The following BPHL variants were observed in gnomAD, a reference collection of about 807,000 sequenced individuals.
BPHL encodes the protein biphenyl hydrolase like.
A neutral mutation model predicts 31.2 loss-of-function variants in BPHL; 27 were observed. The ratio of observed to expected loss-of-function variants is 0.87; its 90% CI spans 0.64 to 1.19. BPHL has a LOEUF of 1.19. Among genes scored for constraint, BPHL ranks in the 50% most tolerant of loss-of-function variants. The pLI, the probability that BPHL is intolerant of heterozygous loss-of-function variation, is 0.00. For missense variants in BPHL, 356 were observed against 375.7 expected (o/e 0.95, Z 0.43); for synonymous variants, 150 against 146.8 (o/e 1.02, Z -0.16).
At chr6:3,138,314 A>G (rs1581476626) in intron 5 of BPHL, 1 of 181,020 alleles carries the variant, frequency 5.5e-6, no homozygotes, top group Non-Finnish European at 1.2e-5. Context: ...CACCATGCCC[A>G]GCCTCCTATT....
chr6:3,123,057 G>A (rs1215399429), intron 1 of BPHL, among the ~76,000 whole-genome samples: 7 of 152,260 alleles, frequency 4.6e-5, no homozygotes, highest in Non-Finnish European at 1.0e-4. Flanking sequence ...TGTGCCATGA[G>A]CCTCTGTGGC....
At chr6:3,147,158 G>A (rs182900628) in intron 6 of BPHL, among the ~76,000 whole-genome samples, 1 of 152,242 alleles carries the variant, frequency 6.6e-6, no homozygotes, top group East Asian at 1.9e-4. Context: ...CTACTCAGGA[G>A]GCTGAGGTAG....
chr6:3,121,305 T>C (rs1442914319), intron 1 of BPHL, among the ~76,000 whole-genome samples: 1 of 138,586 alleles, frequency 7.2e-6, no homozygotes, highest in East Asian at 2.1e-4. Context: ...TTTTTTTTTT[T>C]TTTTTTTTTT....
At chr6:3,139,999 A>G (rs981551716) in intron 5 of BPHL, 7 of 220,086 alleles carry the variant, frequency 3.2e-5, no homozygotes, top group African/African-American at 7.0e-5. Flanking sequence ...GGGCCCCTAC[A>G]CTCATCTGAA....
chr6:3,152,699 T>A lies in BPHL; in HGVS notation c.*124T>A. ...TCTACCCCTCCCTTCAATCTTATCC[T>A]AACCAAATGAGAATAATGACATATT... On this transcript the variant is annotated 3_prime_UTR_variant, in exon 7 of 7. Transcript: ENST00000380379. 1 of 805,854 alleles carries A rather than the reference T, an allele frequency of 1.2e-6. No individual in the cohort carries two copies. The highest frequency in any genetic ancestry group is 1.9e-6 in the Non-Finnish European group (1 of 514,242). 49.9% of individuals were successfully genotyped at this position (805,854 alleles called of 1,614,324 possible).
intron 6 of BPHL, among the ~76,000 whole-genome samples, chr6:3,144,928 G>C (rs886490233): frequency 2.6e-5 from 4 of 152,244 alleles, no homozygotes; most frequent in Non-Finnish European, 5.9e-5. Context: ...GACCCGGTGG[G>C]AAAGTCCATG....
chr6:3,134,996 C>G (rs1172181701), intron 4 of BPHL, among the ~76,000 whole-genome samples: 2 of 152,318 alleles, frequency 1.3e-5, no homozygotes, highest in East Asian at 3.9e-4. Context: ...CTCAACCTTC[C>G]GAAGTGCTGG....
At chr6:3,119,340 T>A in intron 1 of BPHL, 3 of 1,556,988 alleles carry the variant, frequency 1.9e-6, no homozygotes, top group Non-Finnish European at 2.6e-6. Flanking sequence ...CCGAGAGCCC[T>A]AAGTCTTCTC....
rs1316397274 is a variant in BPHL, at chr6:3,149,938, T to C, written c.789-2550T>C. The C allele has an allele frequency of 6.6e-6, 1 of 152,180 alleles. No homozygotes were observed. Among genetic ancestry groups the C allele is most frequent in the Non-Finnish European group, 1.5e-5 (1 of 68,036 alleles). 9.4% of individuals were successfully genotyped at this position (152,180 alleles called of 1,614,324 possible). A position where few individuals can be genotyped will look rare whatever the true frequency, so the allele number is the denominator to read the frequency against. On this transcript the variant is annotated intron_variant, in intron 6 of 6. Coordinates refer to ENST00000380379, the MANE Select transcript of BPHL (RefSeq NM_004332.4). This position sits in a 1 kb window ranked among gnomAD's most constrained non-coding sequence, Gnocchi z 4.6. ...GCCACCGTGCCCAGTCTAGTACCTT[T>C]TTCTTAGGTGGGGCTTTCTAGAAGA...
At position 3,152,744 on chromosome 6, in the gene BPHL, A is replaced by AG; in HGVS notation, c.*171dup. 1.7e-6 allele frequency: 1 copy of AG among 589,622 alleles called. No individual in the cohort carries two copies. Among genetic ancestry groups the AG allele is most frequent in the Non-Finnish European group, 2.9e-6 (1 of 349,734 alleles). 36.5% of individuals were successfully genotyped at this position (589,622 alleles called of 1,614,324 possible). ...CATATTGAAAACAGCCTCTAGCTTC[A>AG]GGCTGGGCACGGTGGCTCACAGCTA... is the stretch of plus-strand genomic sequence containing the variant. On this transcript the variant is annotated 3_prime_UTR_variant, in exon 7 of 7. Coordinates refer to ENST00000380379, the MANE Select transcript of BPHL (RefSeq NM_004332.4).
chr6:3,122,862 C>T (rs552132492), intron 1 of BPHL, among the ~76,000 whole-genome samples: 1 of 152,350 alleles, frequency 6.6e-6, no homozygotes, highest in East Asian at 1.9e-4. Flanking sequence ...TAAAGAACAG[C>T]CTGGAGATCG....
Position 3,153,562 on chromosome 6 carries a change from G to T in BPHL, c.*987G>T. Reference sequence around the variant, plus strand: ...TACATTGCTATTAAAATTAAACTTTGATTACCACAATAAAAACAGTAGCAA... The same window carrying T: ...TACATTGCTATTAAAATTAAACTTTTATTACCACAATAAAAACAGTAGCAA... On this transcript the variant is annotated 3_prime_UTR_variant, in exon 7 of 7. Coordinates refer to ENST00000380379, the MANE Select transcript of BPHL (RefSeq NM_004332.4). 1 of 506,588 alleles carries T rather than the reference G, an allele frequency of 2.0e-6. No homozygotes were observed. Among genetic ancestry groups the T allele is most frequent in the Non-Finnish European group, 3.5e-6 (1 of 288,212 alleles). The allele number at this position is 506,588 out of a possible 1,614,324, so 31.4% of individuals were successfully genotyped here.
Position 3,128,929 on chromosome 6 carries a change from C to T in BPHL, c.379-116C>T. On this transcript the variant is annotated intron_variant, in intron 3 of 6. Transcript: ENST00000380379. ...TGGTGGACTCTAGGGTTTTTCTTTT[C>T]TGACTAATTGATACTCCAGCCTCAC... 4 of 1,477,782 alleles carry T rather than the reference C, an allele frequency of 2.7e-6. No homozygotes were observed. In the East Asian group the frequency reaches 9.1e-5, roughly 33 times the overall value. 91.5% of individuals were successfully genotyped at this position (1,477,782 alleles called of 1,614,324 possible).
At chr6:3,151,446 G>T (rs973055243) in intron 6 of BPHL, among the ~76,000 whole-genome samples, 5 of 152,038 alleles carry the variant, frequency 3.3e-5, no homozygotes, top group Non-Finnish European at 7.4e-5. Flanking sequence ...TGATTCTCTT[G>T]GTACCCCATT....
At position 3,118,837 on chromosome 6, in the gene BPHL, GC is replaced by G; in HGVS notation, c.99del (p.Ala34ArgfsTer6). On this transcript the variant is annotated frameshift_variant, in exon 1 of 7. Coordinates refer to ENST00000380379, the MANE Select transcript of BPHL (RefSeq NM_004332.4). LOFTEE classifies it high-confidence loss of function. Reference sequence around the variant, plus strand: ...CCACGTCCCACGGGCCGGACCCGCGGCCGCGTTCGGGTAATGGCGGCCACCT... The same window carrying G: ...CCACGTCCCACGGGCCGGACCCGCGGCGCGTTCGGGTAATGGCGGCCACCT... ...GIHVPRAGPAAAFGTSVTSAK... is the reference protein window; with the variant it reads ...GIHVPRAGPAXAFGTSVTSAK... 7 of 1,239,658 alleles carry G rather than the reference GC, an allele frequency of 5.6e-6. No individual in the cohort carries two copies. The highest frequency in any genetic ancestry group is 7.1e-6 in the Non-Finnish European group (7 of 990,252). 76.8% of individuals were successfully genotyped at this position (1,239,658 alleles called of 1,614,324 possible). A position where few individuals can be genotyped will look rare whatever the true frequency, so the allele number is the denominator to read the frequency against.
intron 6 of BPHL, among the ~76,000 whole-genome samples, chr6:3,145,204 T>TC (rs2113773088): frequency 1.7e-5 from 1 of 59,560 alleles, no homozygotes; most frequent in African/African-American, 6.7e-5. Context: ...TGGTTCGGGG[T>TC]GGAGTGCTGG....
At chr6:3,127,670 G>A (rs187677780) in intron 3 of BPHL, among the ~76,000 whole-genome samples, 1,638 of 151,944 alleles carry the variant, frequency 0.011, 23 homozygotes, top group African/African-American at 0.037. Flanking sequence ...TGATGGCATC[G>A]TGCTACACCT....
intron 3 of BPHL, 45 bp downstream of exon 3, chr6:3,127,453 C>T (rs1393536084): frequency 7.0e-7 from 1 of 1,431,454 alleles, no homozygotes; most frequent in Non-Finnish European, 9.4e-7. Flanking sequence ...GTGGCTGGGC[C>T]TGTCTTCATT....
chr6:3,121,272 A>G (rs141837077), intron 1 of BPHL, among the ~76,000 whole-genome samples: 10 of 151,350 alleles, frequency 6.6e-5, no homozygotes, highest in Non-Finnish European at 5.9e-5. Flanking sequence ...CTGAACATAC[A>G]ATATGATAAT....
Sources: gnomAD v4.1 joint callset for allele counts (sites outside exome capture counted in the v4.1 genomes callset) on GRCh38, gnomAD v4.1.1 for gene constraint, Gnocchi (gnomAD v3.1) non-coding constraint, MANE v1.5 for transcripts, NCBI Gene and HGNC (gene_info 2026-07-23, HGNC 2026-07-21) for gene names.